The following NRXN3 variants were observed in gnomAD, a reference collection of about 807,000 sequenced individuals.
NRXN3 encodes neurexin 3.
In NRXN3, 32 loss-of-function variants were observed where a neutral mutation model predicts 137.6. The observed-to-expected ratio is 0.23, with a 90% confidence interval of 0.18 to 0.31. NRXN3 has a LOEUF of 0.31. NRXN3 is among the 10% of genes least tolerant of loss of function. The pLI is 1.00. For missense variants in NRXN3, 1,574 were observed against 2,062.5 expected (o/e 0.76, Z 4.59); for synonymous variants, 798 against 784.5 (o/e 1.02, Z -0.29).
intron 15 of NRXN3, among the ~76,000 whole-genome samples, chr14:79,034,855 G>A (rs2099613605): frequency 6.6e-6 from 1 of 152,098 alleles, no homozygotes; most frequent in Non-Finnish European, 1.5e-5. Context: ...ACTCTAACAA[G>A]AGTTAAATGT....
intron 15 of NRXN3, among the ~76,000 whole-genome samples, chr14:79,421,245 G>A (rs756390787): frequency 5.3e-5 from 8 of 152,054 alleles, no homozygotes; most frequent in African/African-American, 1.2e-4. Flanking sequence ...TATGGGTCTC[G>A]CCGCACTAAG....
rs542674459 is a variant in NRXN3, at chr14:79,690,289, A to T, written c.3617-1884A>T. Among the ~76,000 whole-genome samples the T allele has an allele frequency of 1.4e-4, 22 of 152,152 alleles. No homozygotes were observed. In the South Asian group the frequency reaches 1.4e-3, roughly 10 times the overall value. ...TTATTTTGAATGAATAGAATGTTGTACCAAGATCTACCAAGGTAGACCATT... is the reference window on the plus strand; with the variant it reads ...TTATTTTGAATGAATAGAATGTTGTTCCAAGATCTACCAAGGTAGACCATT... On this transcript the variant is annotated intron_variant, in intron 17 of 20. Transcript: ENST00000335750.
chr14:78,497,890 A>C (rs1212567731), intron 4 of NRXN3, among the ~76,000 whole-genome samples: 1 of 152,198 alleles, frequency 6.6e-6, no homozygotes, highest in East Asian at 1.9e-4. Context: ...TAAGGATCAC[A>C]AAGTTAATTA....
At chr14:79,131,154 G>A (rs148381835) in intron 15 of NRXN3, among the ~76,000 whole-genome samples, 9,316 of 152,148 alleles carry the variant, frequency 0.061, 995 homozygotes, top group African/African-American at 0.21. Context: ...TAATTTGATC[G>A]TCTGAAGCCT....
intron 19 of NRXN3, among the ~76,000 whole-genome samples, chr14:79,779,566 C>T (rs1190211758): frequency 6.6e-6 from 1 of 152,138 alleles, no homozygotes; most frequent in Non-Finnish European, 1.5e-5. Flanking sequence ...GTCTCTGCAG[C>T]CACATCCTCC....
chr14:78,778,792 CTT>C (rs1491133522), intron 8 of NRXN3, among the ~76,000 whole-genome samples: 2 of 127,216 alleles, frequency 1.6e-5, no homozygotes, highest in African/African-American at 6.2e-5. Flanking sequence ...TTCTTTCTTT[CTT>C]TCTTTCTTTC....
rs544110726 is a variant in NRXN3 at position 78,580,935 on chromosome 14, G to A, written c.758-64185G>A. ...GGAAAAGTTATGCTTATCCTCAATTGTTTACCATGACCCTTCCTGTCACAT... is the reference window on the plus strand; with the variant it reads ...GGAAAAGTTATGCTTATCCTCAATTATTTACCATGACCCTTCCTGTCACAT... On this transcript the variant is annotated intron_variant, in intron 4 of 20. Transcript: ENST00000335750. Among the ~76,000 whole-genome samples the A allele has an allele frequency of 2.7e-4, 41 of 152,260 alleles. No individual in the cohort carries two copies. In the Middle Eastern group the frequency reaches 0.017, roughly 63 times the overall value.
intron 4 of NRXN3, among the ~76,000 whole-genome samples, chr14:78,405,614 G>GGGC (rs386381906): frequency 5.8e-5 from 2 of 34,522 alleles, no homozygotes; most frequent in African/African-American, 3.4e-4. Context: ...GGGAAGGGGC[G>GGGC]GGGGGGTTCC....
chr14:79,274,212 C>G (rs189263558), intron 15 of NRXN3, among the ~76,000 whole-genome samples: 3 of 151,892 alleles, frequency 2.0e-5, no homozygotes, highest in Non-Finnish European at 4.4e-5. Flanking sequence ...CATTCTAAAT[C>G]TGAATGCACT....
chr14:79,849,118 C>T (rs972466713), intron 20 of NRXN3, among the ~76,000 whole-genome samples: 1 of 152,166 alleles, frequency 6.6e-6, no homozygotes, highest in African/African-American at 2.4e-5. Context: ...ATTTCCTTTG[C>T]TCCAGCTACC....
chr14:78,589,763 G>A (rs113278300), intron 4 of NRXN3, among the ~76,000 whole-genome samples: 3 of 152,284 alleles, frequency 2.0e-5, no homozygotes, highest in African/African-American at 7.2e-5. Flanking sequence ...CTGAGGAATT[G>A]TGTCTCAGGG....
At chr14:78,456,716 C>A (rs2094713364) in intron 4 of NRXN3, among the ~76,000 whole-genome samples, 1 of 152,116 alleles carries the variant, frequency 6.6e-6, no homozygotes, top group Non-Finnish European at 1.5e-5. Context: ...TCTGCTATTA[C>A]TGACTGGCTT....
intron 4 of NRXN3, among the ~76,000 whole-genome samples, chr14:78,372,943 G>C (rs990349909): frequency 2.6e-5 from 4 of 152,162 alleles, no homozygotes; most frequent in African/African-American, 9.6e-5. Flanking sequence ...AGTAGGGCAA[G>C]AAACGTAGGT....
chr14:78,353,576 G>A (rs1278875612), intron 4 of NRXN3, among the ~76,000 whole-genome samples: 1 of 152,050 alleles, frequency 6.6e-6, no homozygotes, highest in African/African-American at 2.4e-5. Context: ...TTCAACACAT[G>A]AATTTTGGGG....
intron 7 of NRXN3, among the ~76,000 whole-genome samples, chr14:78,714,231 C>A (rs2098421715): frequency 6.6e-6 from 1 of 152,084 alleles, no homozygotes; most frequent in Admixed American, 6.5e-5. Flanking sequence ...GGTTGGTGAG[C>A]CCTTGAAGAA....
intron 15 of NRXN3, among the ~76,000 whole-genome samples, chr14:79,379,533 T>C (rs996110990): frequency 6.6e-6 from 1 of 152,132 alleles, no homozygotes; most frequent in Admixed American, 6.6e-5. Flanking sequence ...ACACTCTCGC[T>C]TGTATCTAAA....
chr14:78,353,026 T>G (rs2083766786), intron 4 of NRXN3, among the ~76,000 whole-genome samples: 1 of 152,160 alleles, frequency 6.6e-6, no homozygotes, highest in South Asian at 2.1e-4. Context: ...GGAGTAAGGA[T>G]CGATCACATT....
chr14:78,221,420 G>A (rs1170273627), intron 1 of NRXN3, among the ~76,000 whole-genome samples: 1 of 152,210 alleles, frequency 6.6e-6, no homozygotes, highest in Non-Finnish European at 1.5e-5. Flanking sequence ...CAAAGGCCAT[G>A]AAGCCAGGGC....
rs551380398 is a variant in NRXN3, at chr14:79,371,664, C to T, written c.3263-95557C>T. Among the ~76,000 whole-genome samples, 16 of 152,098 alleles carry T rather than the reference C, an allele frequency of 1.1e-4. No individual in the cohort carries two copies. In the South Asian group the frequency reaches 3.3e-3, roughly 32 times the overall value. On this transcript the variant is annotated intron_variant, in intron 15 of 20. Coordinates refer to ENST00000335750, the MANE Select transcript of NRXN3 (RefSeq NM_001330195.2). ...AAACAGGGCCCTCACTTCACAGGCA[C>T]GGTGAATTCTTTGTTGATAAGATCT...
Sources: allele counts gnomAD v4.1 joint callset (sites outside exome capture counted in the v4.1 genomes callset), GRCh38; gene constraint gnomAD v4.1.1; transcripts MANE v1.5; gene names NCBI Gene and HGNC (gene_info 2026-07-23, HGNC 2026-07-21).